Variants in CAMSAP1 observed in about 807,000 individuals in gnomAD.
The protein encoded by CAMSAP1 is calmodulin-regulated spectrin-associated protein 1.
A neutral mutation model predicts 143.5 loss-of-function variants in CAMSAP1; 58 were observed. That is an observed-to-expected ratio of 0.40 (90% CI 0.33 to 0.50). The LOEUF (loss-of-function observed/expected upper bound fraction) is 0.50, where lower values mean the gene tolerates loss of function less well. Among genes scored for constraint, CAMSAP1 ranks in the 20% least tolerant of loss-of-function variants. CAMSAP1 has a pLI of 0.45. For synonymous variants in CAMSAP1, 945 were observed against 859.3 expected, an observed-to-expected ratio of 1.10 and a Z score of -1.74; for missense variants, 1,969 against 2,115.7, an observed-to-expected ratio of 0.93 and a Z score of 1.36.
intron 8 of CAMSAP1, among the ~76,000 whole-genome samples, chr9:135,825,156 T>TA (rs540600789): frequency 9.1e-4 from 138 of 152,068 alleles, no homozygotes; most frequent in African/African-American, 3.2e-3. Flanking sequence ...AGCGTGCAAT[T>TA]AGAGTGATTT....
chr9:135,841,592 C>G (rs1265568675), intron 7 of CAMSAP1, among the ~76,000 whole-genome samples: 2 of 152,222 alleles, frequency 1.3e-5, no homozygotes, highest in Non-Finnish European at 2.9e-5. Context: ...ACACCTCATA[C>G]AGGAGAGCTC....
intron 15 of CAMSAP1, among the ~76,000 whole-genome samples, chr9:135,815,503 C>T (rs1490751445): frequency 6.6e-6 from 1 of 152,200 alleles, no homozygotes; most frequent in Non-Finnish European, 1.5e-5. Context: ...TGTAAAAAGT[C>T]TAAAGTTCAA....
intron 7 of CAMSAP1, among the ~76,000 whole-genome samples, chr9:135,846,329 G>A (rs1402545521): frequency 6.6e-6 from 1 of 152,162 alleles, no homozygotes; most frequent in African/African-American, 2.4e-5. Flanking sequence ...GCCATATGCG[G>A]AAAACTGAAT....
At chr9:135,898,754 A>G (rs997334637) in intron 1 of CAMSAP1, among the ~76,000 whole-genome samples, 34 of 152,348 alleles carry the variant, frequency 2.2e-4, no homozygotes, top group South Asian at 8.3e-4. Context: ...TGGAATTCAC[A>G]TAAGCTGCTG....
intron 1 of CAMSAP1, among the ~76,000 whole-genome samples, chr9:135,887,760 A>G (rs2130998201): frequency 1.3e-5 from 2 of 152,224 alleles, no homozygotes; most frequent in Non-Finnish European, 2.9e-5. Flanking sequence ...GTGCGGCTAC[A>G]GGGGGCAGAG....
rs996268404 is a variant in CAMSAP1, at chr9:135,836,716, T to C, written c.1046-9132A>G. On this transcript the variant is annotated intron_variant, in intron 7 of 16. Coordinates refer to ENST00000389532, the MANE Select transcript of CAMSAP1 (RefSeq NM_015447.4). ...TTCTACCCTGTTCTACAGACACACA[T>C]CACCACGCACTTTCTACCCATTCCA... The C allele has an allele frequency of 8.0e-5, 79 of 983,090 alleles. No individual in the cohort carries two copies. In the Middle Eastern group the frequency reaches 2.6e-3, roughly 33 times the overall value. 60.9% of individuals were successfully genotyped at this position (983,090 alleles called of 1,614,324 possible). A position where few individuals can be genotyped will look rare whatever the true frequency, so the allele number is the denominator to read the frequency against.
rs1458352045 is a variant in CAMSAP1, at chr9:135,820,692, G to A, written c.3822+147C>T. On this transcript the variant is annotated intron_variant, in intron 11 of 16. Coordinates refer to ENST00000389532, the MANE Select transcript of CAMSAP1 (RefSeq NM_015447.4). The surrounding 1 kb of genome is among the most constrained non-coding windows in gnomAD (Gnocchi z 4.4). ...GTGGAGTCCTCGGGACAGAGACTCT[G>A]TGGCCCACAAAGCTAAACACACACA... The A allele has an allele frequency of 1.9e-6, 2 of 1,046,478 alleles. No individual in the cohort carries two copies. The highest frequency in any genetic ancestry group is 2.7e-5 in the Admixed American group (1 of 37,072). 64.8% of individuals were successfully genotyped at this position (1,046,478 alleles called of 1,614,324 possible).
intron 1 of CAMSAP1, among the ~76,000 whole-genome samples, chr9:135,891,053 G>A (rs73561616): frequency 0.018 from 2,764 of 152,320 alleles, 92 homozygotes; most frequent in African/African-American, 0.064. Context: ...CCTCAGGTTC[G>A]TTTTCTCTTT....
In CAMSAP1 at chr9:135,862,581, C is replaced by T. The variant is rs1837237239; in HGVS notation, c.694G>A (p.Ala232Thr). ...AACGGGAAGTAGGGTGACTGCCTAG[C>T]AGAAAGGTGCTCTCGTCGATAGCGG... The part of the protein sequence containing the change: ...KVRYRREHLS[A>T]RQSPYFPLLE... The change falls in exon 5 of 17, where the codon GCT (alanine) becomes ACT (threonine). Residue 232 changes from alanine to threonine, a missense_variant. Ala to Thr is a moderately conservative substitution (Grantham distance 58). Transcript: ENST00000389532. 1 of 1,551,594 alleles carries T rather than the reference C, an allele frequency of 6.4e-7. No homozygotes were observed. Among genetic ancestry groups the T allele is most frequent in the Admixed American group, 2.0e-5 (1 of 50,976 alleles).
intron 7 of CAMSAP1, among the ~76,000 whole-genome samples, chr9:135,835,296 C>T (rs1835985780): frequency 6.6e-6 from 1 of 152,168 alleles, no homozygotes; most frequent in African/African-American, 2.4e-5. Flanking sequence ...GTACCCACAG[C>T]AGCACCAGGC....
At chr9:135,842,531 C>T (rs534958592) in intron 7 of CAMSAP1, among the ~76,000 whole-genome samples, 16 of 152,208 alleles carry the variant, frequency 1.1e-4, no homozygotes, top group East Asian at 5.8e-4. Context: ...AACCCCAAGA[C>T]GCAATCATCA....
At position 135,822,767 on chromosome 9, in the gene CAMSAP1, G is replaced by T. The variant is rs749059461; in HGVS notation, c.1894C>A (p.Pro632Thr). Reference protein sequence around the residue: ...SIVSRRPSEGPQPLVRRKMTG... With the variant: ...SIVSRRPSEGTQPLVRRKMTG... ...ATTTTCCTTCGTACCAAAGGCTGGG[G>T]GCCCTCGCTGGGCCTCCTAGACACG... The change falls in exon 11 of 17, where the codon CCC becomes ACC. Residue 632 changes from proline to threonine, a missense_variant. By Grantham distance (38) the Pro-to-Thr change is conservative. Coordinates refer to ENST00000389532, the MANE Select transcript of CAMSAP1 (RefSeq NM_015447.4). The surrounding 1 kb of genome is among the most constrained non-coding windows in gnomAD (Gnocchi z 6.1). The T allele has an allele frequency of 6.2e-7, 1 of 1,613,772 alleles. No homozygotes were observed. The highest frequency in any genetic ancestry group is 8.5e-7 in the Non-Finnish European group (1 of 1,179,818).
Position 135,877,107 on chromosome 9 carries a change from G to A in CAMSAP1, c.585+4526C>T, listed in dbSNP as rs115657241. On this transcript the variant is annotated intron_variant, in intron 3 of 16. Transcript: ENST00000389532. ...GAAACAACCCAAGTGTCCATCAACA[G>A]GTGGACAGATAAACGAACCATGGTA... 2.1e-3 allele frequency among the ~76,000 whole-genome samples: 326 copies of A among 152,244 alleles called. 1 individual carries two copies. The highest frequency in any genetic ancestry group is 7.3e-3 in the African/African-American group (303 of 41,534).
chr9:135,834,275 C>T (rs1835943595), intron 7 of CAMSAP1, among the ~76,000 whole-genome samples: 1 of 152,184 alleles, frequency 6.6e-6, no homozygotes, highest in Non-Finnish European at 1.5e-5. Flanking sequence ...AACAGAATTA[C>T]CATATGATCC....
intron 3 of CAMSAP1, among the ~76,000 whole-genome samples, chr9:135,869,755 T>C (rs1474189829): frequency 2.6e-4 from 40 of 152,102 alleles, no homozygotes; most frequent in Admixed American, 2.6e-3. Context: ...TTATTCACAA[T>C]AGTCAAGATG....
intron 5 of CAMSAP1, among the ~76,000 whole-genome samples, chr9:135,858,336 G>T (rs117257930): frequency 0.032 from 4,876 of 151,578 alleles, 104 homozygotes; most frequent in Non-Finnish European, 0.046. Context: ...ACTTTTTTTG[G>T]GTTTACTTCT....
intron 5 of CAMSAP1, among the ~76,000 whole-genome samples, chr9:135,861,555 C>T (rs749771514): frequency 2.0e-5 from 3 of 152,284 alleles, no homozygotes; most frequent in East Asian, 1.9e-4. Flanking sequence ...TCTACCGCCT[C>T]GGCCTTCCAA....
rs1282571931 is a variant in CAMSAP1 at position 135,837,021 on chromosome 9, C to T, written c.1046-9437G>A. On this transcript the variant is annotated intron_variant, in intron 7 of 16. Coordinates refer to ENST00000389532, the MANE Select transcript of CAMSAP1 (RefSeq NM_015447.4). ...ACTTTCTACCTGTTCTAGAGACACA[C>T]GTCACCACACATGTTCTAGAGACAC... The T allele has an allele frequency of 4.7e-6, 4 of 853,482 alleles. No individual in the cohort carries two copies. The African/African-American group carries it at 5.6e-5, about 12-fold the overall frequency. The allele number at this position is 853,482 out of a possible 1,614,324, so 52.9% of individuals were successfully genotyped here. A position where few individuals can be genotyped will look rare whatever the true frequency, so the allele number is the denominator to read the frequency against.
At chr9:135,905,103 T>C (rs757381981) in intron 1 of CAMSAP1, among the ~76,000 whole-genome samples, 1 of 152,238 alleles carries the variant, frequency 6.6e-6, no homozygotes, top group Admixed American at 6.5e-5. Flanking sequence ...CTGTTCATGT[T>C]TCTTTTCTTT....
Sources: gnomAD v4.1 joint callset for allele counts (sites outside exome capture counted in the v4.1 genomes callset) on GRCh38, gnomAD v4.1.1 for gene constraint, Gnocchi (gnomAD v3.1) non-coding constraint, MANE v1.5 for transcripts, NCBI Gene and HGNC (gene_info 2026-07-23, HGNC 2026-07-21) for gene names.